DOCK8: variants seen among roughly 807,000 people sequenced by gnomAD.
DOCK8 encodes the protein dedicator of cytokinesis protein 8.
DOCK8 carries 141 observed loss-of-function variants against 245.6 expected under a neutral mutation model. That is an observed-to-expected ratio of 0.57 (90% confidence interval 0.50 to 0.66). DOCK8 has a LOEUF of 0.66. DOCK8 is among the 30% of genes least tolerant of loss of function. The probability of loss-of-function intolerance (pLI) is 0.00; values close to 1 mark genes in which losing one functional copy is unlikely to be tolerated. For missense variants in DOCK8, 2,965 were observed against 2,603.4 expected, an observed-to-expected ratio of 1.14 and a Z score of -3.02; for synonymous variants, 1,168 against 970.2, an observed-to-expected ratio of 1.20 and a Z score of -3.79.
At chr9:342,722 C>G (rs982300157) in intron 14 of DOCK8, among the ~76,000 whole-genome samples, 2 of 152,136 alleles carry the variant, frequency 1.3e-5, no homozygotes, top group East Asian at 1.9e-4. Context: ...CCTGCCTCGG[C>G]CTCCCAAAGT....
chr9:285,607 T>C (rs2048790279), intron 2 of DOCK8, among the ~76,000 whole-genome samples: 1 of 152,212 alleles, frequency 6.6e-6, no homozygotes, highest in African/African-American at 2.4e-5. Context: ...CCTAAGTCTT[T>C]GGATTTCACA....
At chr9:333,882 A>T (rs900133208) in intron 10 of DOCK8, among the ~76,000 whole-genome samples, 1 of 152,180 alleles carries the variant, frequency 6.6e-6, no homozygotes, top group African/African-American at 2.4e-5. Context: ...TGATTTCAAG[A>T]TTCTTTTATG....
intron 11 of DOCK8, among the ~76,000 whole-genome samples, chr9:334,734 G>A (rs1233682607): frequency 6.6e-6 from 1 of 151,862 alleles, no homozygotes; most frequent in Non-Finnish European, 1.5e-5. Context: ...AGACACCATG[G>A]TCGACTCCTA....
chr9:390,727 T>C (rs1263141375), intron 24 of DOCK8, among the ~76,000 whole-genome samples, 161 bp downstream of exon 24: 1 of 152,170 alleles, frequency 6.6e-6, no homozygotes, highest in East Asian at 1.9e-4. Flanking sequence ...TTCCACTAAA[T>C]TGTGTTGCTT....
chr9:327,103 A>G (rs775945507), intron 8 of DOCK8, among the ~76,000 whole-genome samples: 1 of 152,174 alleles, frequency 6.6e-6, no homozygotes, highest in Non-Finnish European at 1.5e-5. Context: ...TCCATAGTCT[A>G]TGCAGAGTCA....
chr9:400,904 A>T (rs1167326630), intron 26 of DOCK8, among the ~76,000 whole-genome samples: 99 of 110,636 alleles, frequency 8.9e-4, no homozygotes, highest in Non-Finnish European at 1.2e-3. Flanking sequence ...CTCCCCCACT[A>T]CCAACAGCTC....
chr9:336,558 G>A (rs1302354161), intron 11 of DOCK8, 24 bp from the exon 12 acceptor site: 13 of 1,613,978 alleles, frequency 8.1e-6, no homozygotes, highest in Non-Finnish European at 1.1e-5. Flanking sequence ...GCATACTTTG[G>A]AGTGACAATT....
intron 1 of DOCK8, among the ~76,000 whole-genome samples, chr9:264,397 G>A (rs1278650529): frequency 6.6e-6 from 1 of 152,212 alleles, no homozygotes; most frequent in Non-Finnish European, 1.5e-5. Flanking sequence ...TAAGTTCCAT[G>A]CCTTCCAAAT....
At chr9:416,789 A>C (rs1375506918) in intron 29 of DOCK8, among the ~76,000 whole-genome samples, 1 of 152,238 alleles carries the variant, frequency 6.6e-6, no homozygotes, top group Non-Finnish European at 1.5e-5. Flanking sequence ...GATAAAGGTG[A>C]AACTAGAGAA....
intron 29 of DOCK8, among the ~76,000 whole-genome samples, chr9:417,609 A>G (rs143248132): frequency 2.6e-5 from 4 of 152,350 alleles, no homozygotes; most frequent in Admixed American, 6.5e-5. Flanking sequence ...GGGTATGTCT[A>G]TATTACATAG....
At chr9:215,320 T>C in intron 1 of DOCK8, 1 of 1,603,690 alleles carries the variant, frequency 6.2e-7, no homozygotes. Context: ...GCCCTCCAGG[T>C]TCTTACAGGT....
chr9:441,768 A>G lies in DOCK8; in HGVS notation c.5356-107A>G, dbSNP rs1397940202. Reference sequence around the variant, plus strand: ...AGTAATTTCTGTTTACATCAGCCATAGGAGTAAAATGCTTTGTTAACACAA... The same window carrying G: ...AGTAATTTCTGTTTACATCAGCCATGGGAGTAAAATGCTTTGTTAACACAA... On this transcript the variant is annotated intron_variant, in intron 41 of 47. Coordinates refer to ENST00000432829, the MANE Select transcript of DOCK8 (RefSeq NM_203447.4). 5 of 1,390,644 alleles carry G rather than the reference A, an allele frequency of 3.6e-6. No homozygotes were observed. The South Asian group carries it at 3.7e-5, about 10-fold the overall frequency. The allele number at this position is 1,390,644 out of a possible 1,614,324, so 86.1% of individuals were successfully genotyped here.
At chr9:430,260 G>C (rs1446202469) in intron 36 of DOCK8, among the ~76,000 whole-genome samples, 2 of 152,092 alleles carry the variant, frequency 1.3e-5, no homozygotes, top group Non-Finnish European at 2.9e-5. Context: ...TGTAATCCAA[G>C]CTACTTGGGA....
chr9:394,369 AC>A (rs1259387225), intron 24 of DOCK8, among the ~76,000 whole-genome samples: 1 of 152,256 alleles, frequency 6.6e-6, no homozygotes, highest in Non-Finnish European at 1.5e-5. Context: ...AATTCTTCAT[AC>A]ATTGTTTATG....
chr9:295,061 G>A (rs1057314337), intron 4 of DOCK8, among the ~76,000 whole-genome samples: 5 of 152,094 alleles, frequency 3.3e-5, no homozygotes, highest in African/African-American at 1.2e-4. Flanking sequence ...TCAGGAGGCT[G>A]AGGCAGGAGA....
chr9:284,796 A>T (rs2048741599), intron 2 of DOCK8, among the ~76,000 whole-genome samples: 1 of 152,228 alleles, frequency 6.6e-6, no homozygotes, highest in African/African-American at 2.4e-5. Flanking sequence ...TTGTGGGAAC[A>T]TGGATGGAAC....
chr9:345,746 C>G (rs116612044), intron 14 of DOCK8, among the ~76,000 whole-genome samples: 2,784 of 152,200 alleles, frequency 0.018, 85 homozygotes, highest in African/African-American at 0.063. Flanking sequence ...GCGTGGGGCA[C>G]CATTCGAGTT....
intron 28 of DOCK8, among the ~76,000 whole-genome samples, chr9:409,745 T>C (rs1432267335): frequency 1.4e-5 from 2 of 144,512 alleles, no homozygotes; most frequent in Non-Finnish European, 3.1e-5. Flanking sequence ...CCCCACCCCA[T>C]GACAGTCCCC....
At chr9:273,907 T>C (rs2048239516) in intron 2 of DOCK8, among the ~76,000 whole-genome samples, 1 of 152,110 alleles carries the variant, frequency 6.6e-6, no homozygotes, top group Non-Finnish European at 1.5e-5. Context: ...GGTTTCTCCA[T>C]GTTGGTAGGG....
Sources: gnomAD v4.1 joint callset for allele counts (sites outside exome capture counted in the v4.1 genomes callset) on GRCh38, gnomAD v4.1.1 for gene constraint, MANE v1.5 for transcripts, NCBI Gene and HGNC (gene_info 2026-07-23, HGNC 2026-07-21) for gene names.